AGO3: variants seen among roughly 807,000 people sequenced by gnomAD.
AGO3 encodes protein argonaute-3.
AGO3 carries 16 observed loss-of-function variants against 105.5 expected under a neutral mutation model. The ratio of observed to expected loss-of-function variants is 0.15; its 90% confidence interval spans 0.10 to 0.23. The LOEUF (loss-of-function observed/expected upper bound fraction) is 0.23. Among genes scored for constraint, AGO3 ranks in the 10% least tolerant of loss-of-function variants. AGO3 has a pLI of 1.00. For synonymous variants in AGO3, 340 were observed against 367.3 expected (o/e 0.93, Z 0.85); for missense variants, 534 against 1,088.0 (o/e 0.49, Z 7.16).
intron 5 of AGO3, among the ~76,000 whole-genome samples, chr1:35,984,124 A>G (rs1449808384): frequency 2.0e-5 from 3 of 152,212 alleles, no homozygotes; most frequent in African/African-American, 7.2e-5. Context: ...ATACAAGGCA[A>G]TATGAGACAC....
At chr1:36,028,062 G>C (rs1641588170) in intron 12 of AGO3, among the ~76,000 whole-genome samples, 2 of 151,954 alleles carry the variant, frequency 1.3e-5, no homozygotes, top group South Asian at 4.2e-4. Context: ...GTATGTATGG[G>C]ATAGGATCTC....
chr1:35,967,546 C>T (rs531023721), intron 3 of AGO3, among the ~76,000 whole-genome samples: 1 of 152,042 alleles, frequency 6.6e-6, no homozygotes, highest in Admixed American at 6.6e-5. Context: ...TCCTGAGTAG[C>T]TGGGATTACA....
intron 5 of AGO3, among the ~76,000 whole-genome samples, chr1:36,002,221 A>G (rs1304732015): frequency 6.6e-6 from 1 of 151,438 alleles, no homozygotes; most frequent in Non-Finnish European, 1.5e-5. Flanking sequence ...GGGTTTCACC[A>G]TGTTGGCCAG....
intron 5 of AGO3, among the ~76,000 whole-genome samples, chr1:35,975,568 A>G (rs1646941835): frequency 6.6e-6 from 1 of 151,970 alleles, no homozygotes. Context: ...TGTTTTTGCC[A>G]TGCAGAAGTT....
rs766038814 is a variant in AGO3 at position 36,009,603 on chromosome 1, T to A, written c.1149+9T>A. On this transcript the variant is annotated intron_variant, in intron 9 of 18. Transcript: ENST00000373191. ...AGGAAATTAGCAGATTGGTTAGTACTTAACCTTAGAAATGAGAATTTAAAA... is the reference window on the plus strand; with the variant it reads ...AGGAAATTAGCAGATTGGTTAGTACATAACCTTAGAAATGAGAATTTAAAA... 6.2e-6 allele frequency: 10 copies of A among 1,603,734 alleles called. No homozygotes were observed. Among genetic ancestry groups the A allele is most frequent in the Non-Finnish European group, 8.5e-6 (10 of 1,177,196 alleles).
rs940240652 is a variant in AGO3 at position 36,063,229 on chromosome 1, G to A, written c.*7484G>A. On this transcript the variant is annotated 3_prime_UTR_variant, in exon 19 of 19. Transcript: ENST00000373191. The stretch of plus-strand genomic sequence containing the variant: ...AGTCTTTAGACAGATTTCTACATGT[G>A]GAGGGGAGGTGGGGCTTTCCTGTAA... 2 of 152,142 alleles carry A rather than the reference G, an allele frequency of 1.3e-5. No homozygotes were observed. Among genetic ancestry groups the A allele is most frequent in the African/African-American group, 4.8e-5 (2 of 41,442 alleles). 9.4% of individuals were successfully genotyped at this position (152,142 alleles called of 1,614,324 possible). A position where few individuals can be genotyped will look rare whatever the true frequency, so the allele number is the denominator to read the frequency against.
In AGO3 at chr1:36,028,134, TG is replaced by T. The variant is rs993078699; in HGVS notation, c.1591+839del. ...ATGGCTTACTGCAGCCTTGACCTCT[TG>T]GGCTCAAGCAATCCTCCTTTCTCGG... On this transcript the variant is annotated intron_variant, in intron 12 of 18. Transcript: ENST00000373191. 3.9e-4 allele frequency among the ~76,000 whole-genome samples: 59 copies of T among 152,124 alleles called. 1 individual carries two copies. The highest frequency in any genetic ancestry group is 3.1e-3 in the Admixed American group (47 of 15,254).
rs990497890 is a variant in AGO3, at chr1:36,013,611, A to G, written c.1150-19A>G. The G allele has an allele frequency of 2.5e-5, 41 of 1,612,212 alleles. No individual in the cohort carries two copies. The highest frequency in any genetic ancestry group is 3.2e-5 in the Non-Finnish European group (38 of 1,178,788). ...TTGGGGGAATTTTGAGAGTAACTAC[A>G]AACTTTTTCTATTTTTAGGTAAGAA... On this transcript the variant is annotated intron_variant, in intron 9 of 18. Coordinates refer to ENST00000373191, the MANE Select transcript of AGO3 (RefSeq NM_024852.4).
chr1:36,009,093 T>TTTTTTTTTTTTTTTTTTTTTTTGA (rs768289986), intron 8 of AGO3, 49 bp downstream of exon 8: 2 of 1,469,112 alleles, frequency 1.4e-6, no homozygotes, highest in African/African-American at 3.0e-5. Flanking sequence ...ATGATTCTTT[T>TTTTTTTTTTTTTTTTTTTTTTTGA]GGGGTCTTTT....
chr1:36,048,552 C>G (rs1217505964), intron 17 of AGO3, among the ~76,000 whole-genome samples: 1 of 151,948 alleles, frequency 6.6e-6, no homozygotes, highest in Non-Finnish European at 1.5e-5. Context: ...AGAAAACCAC[C>G]AACCCACCAT....
At position 36,061,355 on chromosome 1, in the gene AGO3, T is replaced by C. The variant is rs1349462165; in HGVS notation, c.*5610T>C. On this transcript the variant is annotated 3_prime_UTR_variant, in exon 19 of 19. Coordinates refer to ENST00000373191, the MANE Select transcript of AGO3 (RefSeq NM_024852.4). ...ACTAAGGTATAATGGTCAAGGCTTGTGCTAATATTACCTACTACTCATTGA... is the reference window on the plus strand; with the variant it reads ...ACTAAGGTATAATGGTCAAGGCTTGCGCTAATATTACCTACTACTCATTGA... The C allele has an allele frequency of 1.3e-5, 2 of 152,218 alleles. No individual in the cohort carries two copies. The highest frequency in any genetic ancestry group is 3.8e-4 in the East Asian group (2 of 5,196). The allele number at this position is 152,218 out of a possible 1,614,324, so 9.4% of individuals were successfully genotyped here.
At chr1:35,970,351 G>T (rs780796582) in intron 3 of AGO3, among the ~76,000 whole-genome samples, 47 of 152,076 alleles carry the variant, frequency 3.1e-4, no homozygotes, top group Non-Finnish European at 4.6e-4. Flanking sequence ...ATTCTAGTCC[G>T]TGCCTCATGG....
At chr1:36,041,433 G>C (rs1353831011) in intron 16 of AGO3, among the ~76,000 whole-genome samples, 4 of 152,066 alleles carry the variant, frequency 2.6e-5, no homozygotes, top group African/African-American at 9.6e-5. Context: ...AGTAGAGACA[G>C]GGTTTCACCG....
intron 11 of AGO3, 120 bp downstream of exon 11, chr1:36,014,168 T>G: frequency 7.1e-7 from 1 of 1,398,638 alleles, no homozygotes; most frequent in Non-Finnish European, 9.8e-7. Context: ...GAACCATTTT[T>G]TTTTTTTTGA....
At chr1:36,034,548 T>C (rs1641921099) in intron 13 of AGO3, among the ~76,000 whole-genome samples, 1 of 152,204 alleles carries the variant, frequency 6.6e-6, no homozygotes, top group Non-Finnish European at 1.5e-5. Flanking sequence ...TTTTATCTTA[T>C]TTTTTAAGGA....
At chr1:36,011,381 G>A (rs533253802) in intron 9 of AGO3, among the ~76,000 whole-genome samples, 21 of 151,252 alleles carry the variant, frequency 1.4e-4, no homozygotes, top group Non-Finnish European at 1.6e-4. Flanking sequence ...TGACTCTTCT[G>A]TAAAGAGTCA....
chr1:36,005,979 CT>C (rs1387751591), intron 6 of AGO3: 2 of 856,134 alleles, frequency 2.3e-6, no homozygotes, highest in African/African-American at 3.7e-5. Context: ...AAAATTTCAA[CT>C]TTTTGCTAGC....
Position 36,068,174 on chromosome 1 carries a change from A to G in AGO3, c.*12429A>G, listed in dbSNP as rs1643118815. On this transcript the variant is annotated 3_prime_UTR_variant, in exon 19 of 19. Coordinates refer to ENST00000373191, the MANE Select transcript of AGO3 (RefSeq NM_024852.4). ...GAGGGGAAGGATAAAACAAAAATAGATAGAATGATGATTATTACAATGTAA... is the reference window on the plus strand; with the variant it reads ...GAGGGGAAGGATAAAACAAAAATAGGTAGAATGATGATTATTACAATGTAA... The G allele has an allele frequency of 6.6e-6, 1 of 152,200 alleles. No homozygotes were observed. The highest frequency in any genetic ancestry group is 1.5e-5 in the Non-Finnish European group (1 of 68,038). 9.4% of individuals were successfully genotyped at this position (152,200 alleles called of 1,614,324 possible).
rs998980149 is a variant in AGO3 at position 35,936,670 on chromosome 1, A to G, written c.19+5225A>G. ...CCAGTTATTTTATACATCATTTCCA[A>G]ATTGTCAAGTTCTTGGGAAATCAGA... is the stretch of plus-strand genomic sequence containing the variant. On this transcript the variant is annotated intron_variant, in intron 1 of 18. Transcript: ENST00000373191. Among the ~76,000 whole-genome samples the G allele has an allele frequency of 9.2e-5, 14 of 152,120 alleles. 1 individual carries two copies. The highest frequency in any genetic ancestry group is 8.5e-4 in the Admixed American group (13 of 15,264).
Sources: allele counts gnomAD v4.1 joint callset (sites outside exome capture counted in the v4.1 genomes callset), GRCh38; gene constraint gnomAD v4.1.1; transcripts MANE v1.5; gene names NCBI Gene and HGNC (gene_info 2026-07-23, HGNC 2026-07-21).